The following GPC6 variants were observed in gnomAD, a reference collection of about 807,000 sequenced individuals.
GPC6 encodes glypican-6.
Under a neutral mutation model 55.2 loss-of-function variants are expected in GPC6, and 14 were observed. The observed-to-expected ratio is 0.25, with a 90% CI of 0.17 to 0.40. The LOEUF (loss-of-function observed/expected upper bound fraction) is 0.40. Ranked by LOEUF, GPC6 falls within the 10% of genes least tolerant of loss-of-function variation. The pLI is 1.00. For missense variants in GPC6, 641 were observed against 708.5 expected, an observed-to-expected ratio of 0.90 and a Z score of 1.08; for synonymous variants, 278 against 259.6, an observed-to-expected ratio of 1.07 and a Z score of -0.68.
At chr13:94,387,003 T>G (rs1880440624) in intron 7 of GPC6, among the ~76,000 whole-genome samples, 1 of 152,222 alleles carries the variant, frequency 6.6e-6, no homozygotes, top group African/African-American at 2.4e-5. Context: ...GTCTATTTAC[T>G]CCAGTGATTA....
intron 1 of GPC6, among the ~76,000 whole-genome samples, chr13:93,467,575 CT>C (rs11426472): frequency 0.11 from 8,242 of 73,838 alleles, 109 homozygotes; most frequent in East Asian, 0.26. Context: ...AGCTGTGATT[CT>C]TTTTTTTTTT....
chr13:93,828,453 T>C (rs1887350107), intron 2 of GPC6, among the ~76,000 whole-genome samples: 1 of 152,136 alleles, frequency 6.6e-6, no homozygotes, highest in African/African-American at 2.4e-5. Flanking sequence ...CTTGATTTCC[T>C]AAAATGATAA....
chr13:93,542,820 C>T (rs1882373868), intron 1 of GPC6, among the ~76,000 whole-genome samples: 1 of 152,048 alleles, frequency 6.6e-6, no homozygotes, highest in Non-Finnish European at 1.5e-5. Context: ...ATTTGGCTCT[C>T]TGTTTGTCTG....
intron 6 of GPC6, among the ~76,000 whole-genome samples, chr13:94,338,049 C>G (rs1877812090): frequency 6.6e-6 from 1 of 152,222 alleles, no homozygotes. Context: ...TCACTTGTCT[C>G]TGCATTGCAG....
intron 4 of GPC6, among the ~76,000 whole-genome samples, chr13:94,173,979 T>C (rs1206325483): frequency 6.6e-6 from 1 of 152,198 alleles, no homozygotes; most frequent in Non-Finnish European, 1.5e-5. Context: ...GATTACCAAC[T>C]ATGGCAATAG....
At chr13:94,243,806 T>C (rs1268816783) in intron 4 of GPC6, among the ~76,000 whole-genome samples, 1 of 152,122 alleles carries the variant, frequency 6.6e-6, no homozygotes, top group Admixed American at 6.6e-5. Flanking sequence ...AGATAGCTGC[T>C]AGTCTACCTC....
intron 1 of GPC6, among the ~76,000 whole-genome samples, chr13:93,424,036 C>A (rs775048437): frequency 1.3e-5 from 2 of 152,048 alleles, no homozygotes; most frequent in African/African-American, 4.8e-5. Context: ...ATAGCTGTGC[C>A]GCTTCTTTTT....
chr13:94,057,650 A>G (rs1227032342), intron 4 of GPC6, among the ~76,000 whole-genome samples: 1 of 152,200 alleles, frequency 6.6e-6, no homozygotes, highest in South Asian at 2.1e-4. Context: ...CCGTTGTGAA[A>G]TATGTACCAT....
chr13:93,689,687 G>A (rs1010377912), intron 2 of GPC6, among the ~76,000 whole-genome samples: 3 of 152,030 alleles, frequency 2.0e-5, no homozygotes, highest in African/African-American at 7.2e-5. Flanking sequence ...AAATCACAAT[G>A]ACTATTCCCT....
At chr13:93,601,704 A>G (rs1048570981) in intron 2 of GPC6, among the ~76,000 whole-genome samples, 53 of 152,350 alleles carry the variant, frequency 3.5e-4, no homozygotes, top group Non-Finnish European at 2.8e-4. Flanking sequence ...CTGGATGCCC[A>G]GACCTCGGGA....
At chr13:93,280,110 T>C (rs1877898605) in intron 1 of GPC6, among the ~76,000 whole-genome samples, 1 of 152,190 alleles carries the variant, frequency 6.6e-6, no homozygotes, top group Non-Finnish European at 1.5e-5. Context: ...TTTTTCACCC[T>C]GTGTGACATG....
chr13:93,955,396 A>T (rs1186481989), intron 3 of GPC6, among the ~76,000 whole-genome samples: 1 of 152,074 alleles, frequency 6.6e-6, no homozygotes, highest in Non-Finnish European at 1.5e-5. Flanking sequence ...CACCAGCTTC[A>T]AAGAAAACAG....
intron 2 of GPC6, among the ~76,000 whole-genome samples, chr13:93,591,169 A>G (rs1408461497): frequency 2.0e-5 from 3 of 151,752 alleles, no homozygotes; most frequent in Non-Finnish European, 4.4e-5. Context: ...GAAAAAAAAA[A>G]AAGGAAATCA....
At chr13:93,225,245 A>C (rs1875730283), upstream of GPC6, among the ~76,000 whole-genome samples, 1 of 152,326 alleles carries the variant, frequency 6.6e-6, no homozygotes, top group African/African-American at 2.4e-5. Context: ...GAAGGAAGTC[A>C]CGTTGTCAAA....
At position 93,844,960 on chromosome 13, in the gene GPC6, T is replaced by G. The variant is rs923918976; in HGVS notation, c.711+14415T>G. Among the ~76,000 whole-genome samples, 432 of 152,220 alleles carry G rather than the reference T, an allele frequency of 2.8e-3. 1 individual carries two copies. Among genetic ancestry groups the G allele is most frequent in the Non-Finnish European group, 5.2e-3 (353 of 68,032 alleles). ...GTCAAAGATCAGATAGTTGTAGGTA[T>G]GCGGCGTTATTTCTAAGGGCTCTGT... On this transcript the variant is annotated intron_variant, in intron 3 of 8. Coordinates refer to ENST00000377047, the MANE Select transcript of GPC6 (RefSeq NM_005708.5).
intron 1 of GPC6, among the ~76,000 whole-genome samples, chr13:93,457,087 TA>T (rs1487159526): frequency 6.6e-6 from 1 of 152,206 alleles, no homozygotes; most frequent in East Asian, 1.9e-4. Context: ...GCCATGATTC[TA>T]AGTTTCCTGA....
rs2139238894 is a variant in GPC6, at chr13:94,406,929, A to G, written c.*3712A>G. ...TAACGAACAGACCTGATTTTTATTTAAAAACACAATTTAGCTTTGCCAACA... is the reference window on the plus strand; with the variant it reads ...TAACGAACAGACCTGATTTTTATTTGAAAACACAATTTAGCTTTGCCAACA... On this transcript the variant is annotated 3_prime_UTR_variant, in exon 9 of 9. Coordinates refer to ENST00000377047, the MANE Select transcript of GPC6 (RefSeq NM_005708.5). 6.6e-6 allele frequency: 1 copy of G among 152,292 alleles called. No homozygotes were observed. The highest frequency in any genetic ancestry group is 2.4e-5 in the African/African-American group (1 of 41,576). The allele number at this position is 152,292 out of a possible 1,614,324, so 9.4% of individuals were successfully genotyped here.
intron 8 of GPC6, among the ~76,000 whole-genome samples, chr13:94,401,901 C>T (rs940204001): frequency 6.6e-6 from 1 of 152,042 alleles, no homozygotes; most frequent in Admixed American, 6.6e-5. Context: ...CACTACACTC[C>T]AGCCTGGGCA....
chr13:93,813,324 C>T (rs1886754591), intron 2 of GPC6, among the ~76,000 whole-genome samples: 1 of 152,076 alleles, frequency 6.6e-6, no homozygotes, highest in Admixed American at 6.6e-5. Flanking sequence ...GAGCCTGAGG[C>T]AGGAGAATCG....
Sources: gnomAD v4.1 joint callset for allele counts (sites outside exome capture counted in the v4.1 genomes callset) on GRCh38, gnomAD v4.1.1 for gene constraint, MANE v1.5 for transcripts, NCBI Gene and HGNC (gene_info 2026-07-23, HGNC 2026-07-21) for gene names.